GPC6: variants seen among roughly 807,000 people sequenced by gnomAD.
GPC6 encodes glypican-6.
In GPC6, 14 loss-of-function variants were observed where a neutral mutation model predicts 55.2. The observed-to-expected ratio is 0.25, with a 90% CI of 0.17 to 0.40. The LOEUF is 0.40. Among genes scored for constraint, GPC6 ranks in the 10% least tolerant of loss-of-function variants. The pLI is 1.00. For missense variants in GPC6, 641 were observed against 708.5 expected (o/e 0.90, Z 1.08); for synonymous variants, 278 against 259.6 (o/e 1.07, Z -0.68).
chr13:94,096,062 G>A lies in GPC6; in HGVS notation c.877+68168G>A, dbSNP rs115811309. 7.9e-3 allele frequency among the ~76,000 whole-genome samples: 1,198 copies of A among 152,184 alleles called. 21 individuals carry two copies. Among genetic ancestry groups the A allele is most frequent in the African/African-American group, 0.027 (1,137 of 41,530 alleles). ...AATAAGCAAAAGTTTTGCTGGAAAG[G>A]ATTCTTCCTAAAATTTTTCACTTTT... On this transcript the variant is annotated intron_variant, in intron 4 of 8. Coordinates refer to ENST00000377047, the MANE Select transcript of GPC6 (RefSeq NM_005708.5).
chr13:93,219,359 T>G, the GPC6 span, among the ~76,000 whole-genome samples: 1 of 152,186 alleles, frequency 6.6e-6, no homozygotes, highest in Non-Finnish European at 1.5e-5. Context: ...CCCAAAGTGT[T>G]GGGATTACAG....
chr13:94,402,366 G>C (rs554612053), intron 8 of GPC6, among the ~76,000 whole-genome samples: 1 of 152,322 alleles, frequency 6.6e-6, no homozygotes, highest in Admixed American at 6.5e-5. Context: ...CAACATGGTA[G>C]GTGTGGCCTC....
At chr13:94,165,268 A>G (rs1388315030) in intron 4 of GPC6, among the ~76,000 whole-genome samples, 2 of 145,414 alleles carry the variant, frequency 1.4e-5, no homozygotes, top group Non-Finnish European at 1.5e-5. Flanking sequence ...ATACATATAT[A>G]TATACACATA....
intron 2 of GPC6, among the ~76,000 whole-genome samples, chr13:93,743,775 G>A (rs1884290130): frequency 6.6e-6 from 1 of 151,900 alleles, no homozygotes; most frequent in Admixed American, 6.6e-5. Flanking sequence ...AACAATTCAA[G>A]AATGTCTCCC....
At chr13:94,398,745 C>A in intron 8 of GPC6, 104 bp downstream of exon 8, 2 of 873,642 alleles carry the variant, frequency 2.3e-6, no homozygotes, top group East Asian at 2.6e-5. Flanking sequence ...TTAATTTATT[C>A]TCATTCTTCC....
At chr13:93,905,069 C>G (rs112269993) in intron 3 of GPC6, among the ~76,000 whole-genome samples, 10 of 130,040 alleles carry the variant, frequency 7.7e-5, no homozygotes, top group African/African-American at 2.9e-4. Context: ...CTTTTCTAAG[C>G]ATTCTCTCTT....
chr13:93,725,325 G>C (rs539101352), intron 2 of GPC6, among the ~76,000 whole-genome samples: 1 of 152,042 alleles, frequency 6.6e-6, no homozygotes, highest in Non-Finnish European at 1.5e-5. Context: ...TAGTCTTTGA[G>C]TTTACTCTTG....
intron 3 of GPC6, among the ~76,000 whole-genome samples, chr13:93,873,089 T>G (rs1889180714): frequency 1.3e-5 from 2 of 151,858 alleles, no homozygotes; most frequent in Admixed American, 6.6e-5. Flanking sequence ...ACTACTTTTT[T>G]TTTTAGAGAA....
intron 4 of GPC6, among the ~76,000 whole-genome samples, chr13:94,250,549 A>G (rs1891317557): frequency 6.6e-6 from 1 of 152,166 alleles, no homozygotes; most frequent in South Asian, 2.1e-4. Context: ...ATTAGAATGG[A>G]CAAGAAGTAA....
intron 4 of GPC6, among the ~76,000 whole-genome samples, chr13:94,092,098 A>G (rs991066166): frequency 5.4e-5 from 7 of 129,740 alleles, no homozygotes; most frequent in Admixed American, 8.9e-5. Context: ...ATCACCTCAC[A>G]TAGTTACCTG....
rs146533189 is a variant in GPC6, at chr13:93,870,088, G to A, written c.711+39543G>A. Among the ~76,000 whole-genome samples the A allele has an allele frequency of 7.8e-4, 119 of 151,988 alleles. 1 individual carries two copies. Among genetic ancestry groups the A allele is most frequent in the African/African-American group, 2.6e-3 (110 of 41,528 alleles). ...ATTTGAATCCTTAACTGCCTCCCAAGTGAAGCACCCTGACTTTCTTAAGGT... is the reference window on the plus strand; with the variant it reads ...ATTTGAATCCTTAACTGCCTCCCAAATGAAGCACCCTGACTTTCTTAAGGT... On this transcript the variant is annotated intron_variant, in intron 3 of 8. Coordinates refer to ENST00000377047, the MANE Select transcript of GPC6 (RefSeq NM_005708.5).
chr13:93,720,929 G>A (rs755822320), intron 2 of GPC6, among the ~76,000 whole-genome samples: 1 of 151,978 alleles, frequency 6.6e-6, no homozygotes, highest in Non-Finnish European at 1.5e-5. Context: ...TGGTCTGAGA[G>A]ACTGTTATGA....
intron 2 of GPC6, among the ~76,000 whole-genome samples, chr13:93,633,808 T>C (rs1045875844): frequency 6.6e-6 from 1 of 152,104 alleles, no homozygotes; most frequent in Non-Finnish European, 1.5e-5. Context: ...TTTAAATTCT[T>C]GTTTTGAAAT....
At chr13:93,730,523 C>G (rs867913176) in intron 2 of GPC6, among the ~76,000 whole-genome samples, 1 of 152,088 alleles carries the variant, frequency 6.6e-6, no homozygotes, top group Non-Finnish European at 1.5e-5. Flanking sequence ...GCATGGCCCT[C>G]CCCCAGAGCC....
chr13:94,018,254 C>T (rs747757854), intron 3 of GPC6, among the ~76,000 whole-genome samples: 1 of 150,134 alleles, frequency 6.7e-6, no homozygotes, highest in African/African-American at 2.4e-5. Flanking sequence ...CCTTAACTTT[C>T]TGGGAGAAAT....
At chr13:93,692,340 G>A (rs994843882) in intron 2 of GPC6, among the ~76,000 whole-genome samples, 1 of 152,136 alleles carries the variant, frequency 6.6e-6, no homozygotes, top group Middle Eastern at 3.4e-3. Flanking sequence ...TAAGAAGTCA[G>A]CATTTGTTTG....
At chr13:93,665,871 G>C (rs1429466487) in intron 2 of GPC6, among the ~76,000 whole-genome samples, 3 of 152,100 alleles carry the variant, frequency 2.0e-5, no homozygotes, top group Admixed American at 2.0e-4. Context: ...TACCATAAAT[G>C]ATATCTGCCA....
At chr13:93,898,955 A>ATC (rs987333101) in intron 3 of GPC6, among the ~76,000 whole-genome samples, 6 of 146,632 alleles carry the variant, frequency 4.1e-5, no homozygotes, top group African/African-American at 1.5e-4. Context: ...ATATATATAT[A>ATC]TATATATATA....
At chr13:93,563,419 G>GACAAAAATGATATGCAA (rs1875914235) in intron 2 of GPC6, among the ~76,000 whole-genome samples, 1 of 151,894 alleles carries the variant, frequency 6.6e-6, no homozygotes, top group Non-Finnish European at 1.5e-5. Context: ...TGGAGATGCA[G>GACAAAAATGATATGCAA]ACAAAAATGA....
Sources: allele counts gnomAD v4.1 joint callset (sites outside exome capture counted in the v4.1 genomes callset), GRCh38; gene constraint gnomAD v4.1.1; transcripts MANE v1.5; gene names NCBI Gene and HGNC (gene_info 2026-07-23, HGNC 2026-07-21).